CDH13: variants seen among roughly 807,000 people sequenced by gnomAD.
The protein encoded by CDH13 is cadherin-13.
Under a neutral mutation model 63.8 loss-of-function variants are expected in CDH13, and 24 were observed. The observed-to-expected ratio is 0.38, with a 90% CI of 0.27 to 0.53. CDH13 has a LOEUF of 0.53. Ranked by LOEUF, CDH13 falls within the 20% of genes least tolerant of loss-of-function variation. The pLI, the probability that CDH13 is intolerant of heterozygous loss-of-function variation, is 0.85. For missense variants in CDH13, 1,049 were observed against 903.1 expected (o/e 1.16, Z -2.07); for synonymous variants, 503 against 355.3 (o/e 1.42, Z -4.67).
chr16:83,593,761 G>C (rs1003288127), intron 7 of CDH13, among the ~76,000 whole-genome samples: 2 of 152,000 alleles, frequency 1.3e-5, no homozygotes, highest in Non-Finnish European at 2.9e-5. Flanking sequence ...TTATCTCCCA[G>C]GCAGAGACAT....
chr16:83,606,418 T>C (rs1194758774), intron 8 of CDH13, among the ~76,000 whole-genome samples: 1 of 152,030 alleles, frequency 6.6e-6, no homozygotes, highest in African/African-American at 2.4e-5. Flanking sequence ...TTGAACAAAA[T>C]AGAGGTAGTT....
Position 83,434,250 on chromosome 16 carries a change from C to T in CDH13, c.782-52227C>T, listed in dbSNP as rs149441809. Reference sequence around the variant, plus strand: ...ACCCCATTAGGGCCAGGTCATGGTACAACATGGGAGAATCATAGGGCTTGG... The same window carrying T: ...ACCCCATTAGGGCCAGGTCATGGTATAACATGGGAGAATCATAGGGCTTGG... On this transcript the variant is annotated intron_variant, in intron 6 of 13. Transcript: ENST00000567109. Among the ~76,000 whole-genome samples the T allele has an allele frequency of 3.4e-3, 521 of 152,270 alleles. 4 individuals are homozygous for T. The highest frequency in any genetic ancestry group is 0.011 in the African/African-American group (473 of 41,550).
intron 5 of CDH13, among the ~76,000 whole-genome samples, chr16:83,230,043 A>G (rs1331352167): frequency 6.6e-6 from 1 of 152,232 alleles, no homozygotes; most frequent in Non-Finnish European, 1.5e-5. Flanking sequence ...TGGATCATTA[A>G]TAGTTGGGGA....
chr16:83,444,758 C>T (rs1029122932), intron 6 of CDH13, among the ~76,000 whole-genome samples: 2 of 71,624 alleles, frequency 2.8e-5, no homozygotes, highest in Non-Finnish European at 6.8e-5. Flanking sequence ...TCTCTGACTG[C>T]CGAGTTAATT....
chr16:83,347,862 C>T (rs911433153), intron 6 of CDH13, among the ~76,000 whole-genome samples: 1 of 152,304 alleles, frequency 6.6e-6, no homozygotes, highest in Non-Finnish European at 1.5e-5. Context: ...CTACAATAGC[C>T]CGCATTTCTT....
At chr16:83,586,957 G>A (rs938465538) in intron 7 of CDH13, among the ~76,000 whole-genome samples, 1 of 152,072 alleles carries the variant, frequency 6.6e-6, no homozygotes, top group Non-Finnish European at 1.5e-5. Context: ...CAGCAGAAAG[G>A]CCATGTCTCA....
chr16:82,787,720 C>T (rs1482561622), intron 1 of CDH13, among the ~76,000 whole-genome samples: 1 of 152,078 alleles, frequency 6.6e-6, no homozygotes, highest in Non-Finnish European at 1.5e-5. Flanking sequence ...TGGACTCAAT[C>T]CCAAATTAGG....
chr16:83,050,912 C>A (rs1440942338), intron 3 of CDH13, among the ~76,000 whole-genome samples: 1 of 152,168 alleles, frequency 6.6e-6, no homozygotes, highest in Non-Finnish European at 1.5e-5. Context: ...TAGTTCCTCA[C>A]CACCTGGGAG....
At chr16:82,896,943 G>A (rs921183281) in intron 2 of CDH13, among the ~76,000 whole-genome samples, 9 of 151,776 alleles carry the variant, frequency 5.9e-5, no homozygotes, top group African/African-American at 2.2e-4. Context: ...ATCACGCCCA[G>A]CTAATTTTTT....
intron 1 of CDH13, among the ~76,000 whole-genome samples, chr16:82,807,381 G>A (rs918400094): frequency 6.6e-6 from 1 of 152,158 alleles, no homozygotes; most frequent in South Asian, 2.1e-4. Context: ...CTCTTTGGCA[G>A]TTTGGGCGGC....
chr16:82,796,019 G>A (rs2151148434), intron 1 of CDH13, among the ~76,000 whole-genome samples: 1 of 151,486 alleles, frequency 6.6e-6, no homozygotes, highest in Admixed American at 6.6e-5. Flanking sequence ...TTTGGGCCTG[G>A]GATACAAACT....
intron 10 of CDH13, among the ~76,000 whole-genome samples, chr16:83,683,097 C>A (rs773235685): frequency 6.6e-6 from 1 of 152,174 alleles, no homozygotes; most frequent in South Asian, 2.1e-4. Flanking sequence ...CAGCAAAGGG[C>A]GCCTTGATCT....
At chr16:83,149,684 A>G (rs886454237) in intron 4 of CDH13, among the ~76,000 whole-genome samples, 3 of 152,210 alleles carry the variant, frequency 2.0e-5, no homozygotes, top group Admixed American at 1.3e-4. Flanking sequence ...TATCATCAGT[A>G]GCAATTTCTC....
intron 2 of CDH13, among the ~76,000 whole-genome samples, chr16:82,863,592 G>T (rs1023699487): frequency 6.6e-6 from 1 of 152,172 alleles, no homozygotes; most frequent in African/African-American, 2.4e-5. Flanking sequence ...TAGAGCTAAT[G>T]CCTCAACTGA....
chr16:83,073,537 G>A (rs1361018232), intron 3 of CDH13, among the ~76,000 whole-genome samples: 5 of 152,094 alleles, frequency 3.3e-5, no homozygotes, highest in African/African-American at 1.2e-4. Flanking sequence ...CCCACATTTT[G>A]TTCCCTGTGA....
At chr16:83,426,576 C>G (rs1393653039) in intron 6 of CDH13, among the ~76,000 whole-genome samples, 1 of 151,610 alleles carries the variant, frequency 6.6e-6, no homozygotes, top group Admixed American at 6.6e-5. Context: ...AGTTTTCCAG[C>G]CTCCTGGACT....
In CDH13 at chr16:83,678,363, C is replaced by A. The variant is rs1168249327; in HGVS notation, c.1440C>A (p.Asp480Glu). Reference sequence around the variant, plus strand: ...ACGAGGGCCCAGTCTTCTACCCAGACCCCATGATGGTGACCAGGCAGGAGG... The same window carrying A: ...ACGAGGGCCCAGTCTTCTACCCAGAACCCATGATGGTGACCAGGCAGGAGG... ...DVNEGPVFYPDPMMVTRQEDL... is the reference protein window; with the variant it reads ...DVNEGPVFYPEPMMVTRQEDL... The change falls in exon 10 of 14, where the codon GAC (aspartate) becomes GAA (glutamate). Residue 480 changes from aspartate (D) to glutamate (E), a missense_variant. Transcript: ENST00000567109. 1 of 1,613,994 alleles carries A rather than the reference C, an allele frequency of 6.2e-7. No homozygotes were observed. The highest frequency in any genetic ancestry group is 1.7e-5 in the Admixed American group (1 of 60,022).
intron 2 of CDH13, among the ~76,000 whole-genome samples, chr16:82,950,569 G>C (rs915542737): frequency 6.6e-6 from 1 of 152,148 alleles, no homozygotes; most frequent in East Asian, 1.9e-4. Context: ...TGCTGCTGAT[G>C]TAAGATGTGC....
intron 4 of CDH13, among the ~76,000 whole-genome samples, chr16:83,213,359 G>C (rs1168721231): frequency 1.3e-5 from 2 of 152,156 alleles, no homozygotes; most frequent in Non-Finnish European, 2.9e-5. Context: ...TGTGCCGAGT[G>C]GCAGGCAGAG....
Sources: gnomAD v4.1 joint callset for allele counts (sites outside exome capture counted in the v4.1 genomes callset) on GRCh38, gnomAD v4.1.1 for gene constraint, MANE v1.5 for transcripts, NCBI Gene and HGNC (gene_info 2026-07-23, HGNC 2026-07-21) for gene names.